IHO1: variants seen among roughly 807,000 people sequenced by gnomAD.
IHO1 encodes the protein interactor of HORMAD1 protein 1.
Under a neutral mutation model 31.0 loss-of-function variants are expected in IHO1, and 13 were observed. The ratio of observed to expected loss-of-function variants is 0.42; its 90% CI spans 0.27 to 0.67. IHO1 has a LOEUF of 0.67. IHO1 is among the 30% of genes least tolerant of loss of function. IHO1 has a pLI of 0.24. For missense variants in IHO1, 599 were observed against 687.5 expected, an observed-to-expected ratio of 0.87 and a Z score of 1.44; for synonymous variants, 221 against 248.4, an observed-to-expected ratio of 0.89 and a Z score of 1.04.
intron 1 of IHO1, among the ~76,000 whole-genome samples, chr3:49,207,894 C>T (rs1395715392): frequency 6.6e-6 from 1 of 151,932 alleles, no homozygotes; most frequent in Non-Finnish European, 1.5e-5. Flanking sequence ...CTGCCTCAGC[C>T]TCCTGAGTAG....
chr3:49,251,287 A>AT (rs1190363805), intron 6 of IHO1, among the ~76,000 whole-genome samples: 10,768 of 122,776 alleles, frequency 0.088, 656 homozygotes, highest in South Asian at 0.12. Flanking sequence ...TGCCTGGCTA[A>AT]TTTTTTTTTT....
intron 2 of IHO1, among the ~76,000 whole-genome samples, chr3:49,228,991 T>C (rs1187728912): frequency 6.6e-6 from 1 of 152,192 alleles, no homozygotes; most frequent in Non-Finnish European, 1.5e-5. Context: ...TTTTACAGAG[T>C]GCTGATTGGT....
intron 1 of IHO1, among the ~76,000 whole-genome samples, chr3:49,200,397 G>C (rs1036824756): frequency 6.6e-6 from 1 of 150,694 alleles, no homozygotes; most frequent in Non-Finnish European, 1.5e-5. Context: ...CCTGGGAGGC[G>C]GAGGTGGCAG....
Position 49,214,615 on chromosome 3 carries a change from T to TATATATATATAC in IHO1, c.56+2790_56+2791insCATATATATATA, listed in dbSNP as rs1448919083. 1.2e-3 allele frequency among the ~76,000 whole-genome samples: 37 copies of TATATATATATAC among 29,740 alleles called. 2 individuals are homozygous for TATATATATATAC. The highest frequency in any genetic ancestry group is 3.8e-3 in the African/African-American group (35 of 9,126). The allele number at this position is 29,740 out of a possible 152,430, so 19.5% of individuals were successfully genotyped here. The stretch of plus-strand genomic sequence containing the variant: ...TATCTTTATTTCTAGATCATATATA[T>TATATATATATAC]ATATATATATATATATATTTTTTTT... On this transcript the variant is annotated intron_variant, in intron 2 of 7. Transcript: ENST00000452691.
intron 2 of IHO1, among the ~76,000 whole-genome samples, chr3:49,212,067 G>A (rs2046225142): frequency 6.6e-6 from 1 of 151,908 alleles, no homozygotes; most frequent in Non-Finnish European, 1.5e-5. Context: ...AGGAGGCTGA[G>A]GTAGGAGAAT....
intron 2 of IHO1, chr3:49,228,448 T>C: frequency 2.7e-6 from 1 of 364,214 alleles, no homozygotes; most frequent in Non-Finnish European, 5.5e-6. Flanking sequence ...ATTTAGCCCC[T>C]GAATTCTAAG....
Position 49,256,954 on chromosome 3 carries a change from A to G in IHO1, c.1457A>G (p.Gln486Arg). Residue 486 changes from glutamine to arginine, a missense_variant, in exon 8 of 8, where the codon CAA becomes CGA. Coordinates refer to ENST00000452691, the MANE Select transcript of IHO1 (RefSeq NM_001135197.2). This position sits in a 1 kb window ranked among gnomAD's most constrained non-coding sequence, Gnocchi z 4.6. ...CCTCAGCCTGCAATTTCTGTCCCTC[A>G]AAGCCCCTTCCTGGGGCAGCAGGAA... Reference protein sequence around the residue: ...QSPQPAISVPQSPFLGQQEPR... With the variant: ...QSPQPAISVPRSPFLGQQEPR... The G allele has an allele frequency of 6.2e-7, 1 of 1,614,236 alleles. No homozygotes were observed. Among genetic ancestry groups the G allele is most frequent in the Middle Eastern group, 1.6e-4 (1 of 6,062 alleles).
intron 1 of IHO1, among the ~76,000 whole-genome samples, chr3:49,211,536 T>C (rs571958211): frequency 1.3e-5 from 2 of 151,886 alleles, no homozygotes; most frequent in African/African-American, 4.8e-5. Flanking sequence ...CTCAGAAGAA[T>C]TGCTTGAACC....
intron 2 of IHO1, among the ~76,000 whole-genome samples, chr3:49,228,926 T>C (rs936232503): frequency 6.6e-6 from 1 of 152,208 alleles, no homozygotes; most frequent in East Asian, 1.9e-4. Flanking sequence ...TCCTGCTGAT[T>C]GGTCCATTTT....
At chr3:49,204,392 T>C (rs536538364) in intron 1 of IHO1, among the ~76,000 whole-genome samples, 2 of 152,240 alleles carry the variant, frequency 1.3e-5, no homozygotes, top group Admixed American at 6.5e-5. Flanking sequence ...TGGTATATTG[T>C]TGGGGTCGGG....
intron 2 of IHO1, among the ~76,000 whole-genome samples, chr3:49,216,969 C>T (rs1033515663): frequency 6.6e-6 from 1 of 152,148 alleles, no homozygotes; most frequent in Non-Finnish European, 1.5e-5. Flanking sequence ...GAATGGCGAT[C>T]ATTAAAAAGT....
At chr3:49,241,872 C>T (rs1279630880) in intron 4 of IHO1, among the ~76,000 whole-genome samples, 2 of 151,958 alleles carry the variant, frequency 1.3e-5, no homozygotes, top group African/African-American at 2.4e-5. Context: ...CCACCCATCT[C>T]AGCCTCCCAA....
intron 1 of IHO1, among the ~76,000 whole-genome samples, chr3:49,206,819 G>A (rs541396696): frequency 1.2e-4 from 18 of 152,058 alleles, no homozygotes; most frequent in African/African-American, 4.1e-4. Flanking sequence ...GATCACCTGA[G>A]GTCAGAAGTT....
chr3:49,225,324 A>G (rs2046405097), intron 2 of IHO1, among the ~76,000 whole-genome samples: 1 of 152,100 alleles, frequency 6.6e-6, no homozygotes, highest in Non-Finnish European at 1.5e-5. Context: ...TTAGCTGGGC[A>G]TGGTGGTGGG....
intron 2 of IHO1, among the ~76,000 whole-genome samples, chr3:49,217,473 C>T (rs1457674427): frequency 1.6e-5 from 2 of 126,596 alleles, no homozygotes; most frequent in Non-Finnish European, 3.2e-5. Context: ...ACATCACACA[C>T]CAGGCTGGTT....
chr3:49,213,258 G>A (rs535755510), intron 2 of IHO1, among the ~76,000 whole-genome samples: 2 of 152,094 alleles, frequency 1.3e-5, no homozygotes, highest in Admixed American at 1.3e-4. Context: ...TACAAACCTT[G>A]AGCTAGGCAC....
At chr3:49,217,895 A>C (rs2107694675) in intron 2 of IHO1, among the ~76,000 whole-genome samples, 2 of 152,352 alleles carry the variant, frequency 1.3e-5, no homozygotes, top group South Asian at 4.1e-4. Flanking sequence ...TCAGATGGTA[A>C]TAGAGACCAG....
At chr3:49,249,197 C>T (rs897517797) in intron 6 of IHO1, among the ~76,000 whole-genome samples, 3 of 152,160 alleles carry the variant, frequency 2.0e-5, no homozygotes, top group Non-Finnish European at 2.9e-5. Context: ...ATTACCAAAG[C>T]CTCTTGTATA....
Position 49,255,455 on chromosome 3 carries a change from G to C in IHO1, c.598G>C (p.Glu200Gln). ...FEAVQDKGNM[E>Q]QAILEMKKRF... The stretch of plus-strand genomic sequence containing the variant: ...GGCAGTCCAGGACAAAGGCAACATG[G>C]AGCAGGCCATCCTTGAGATGAAGAA... Residue 200 changes from glutamate to glutamine, a missense_variant, in exon 7 of 8, where the codon GAG (glutamate) becomes CAG (glutamine). Transcript: ENST00000452691. 1 of 1,606,036 alleles carries C rather than the reference G, an allele frequency of 6.2e-7. No individual in the cohort carries two copies. Among genetic ancestry groups the C allele is most frequent in the African/African-American group, 1.3e-5 (1 of 74,360 alleles).
Sources: gnomAD v4.1 joint callset for allele counts (sites outside exome capture counted in the v4.1 genomes callset) on GRCh38, gnomAD v4.1.1 for gene constraint, Gnocchi (gnomAD v3.1) non-coding constraint, MANE v1.5 for transcripts, NCBI Gene and HGNC (gene_info 2026-07-23, HGNC 2026-07-21) for gene names.